Variants in LRFN5 observed in about 807,000 individuals in gnomAD.
LRFN5 encodes the protein leucine rich repeat and fibronectin type III domain containing 5, also known as leucine-rich repeat and fibronectin type-III domain-containing protein 5.
A neutral mutation model predicts 45.6 loss-of-function variants in LRFN5; 24 were observed. That is an observed-to-expected ratio of 0.53 (90% CI 0.38 to 0.74). The LOEUF is 0.74. Among genes scored for constraint, LRFN5 ranks in the 30% least tolerant of loss-of-function variants. The pLI, the probability that LRFN5 is intolerant of heterozygous loss-of-function variation, is 0.00. For synonymous variants in LRFN5, 340 were observed against 313.8 expected (o/e 1.08, Z -0.88); for missense variants, 776 against 861.5 (o/e 0.90, Z 1.24).
At chr14:41,613,736 CA>C (rs925290807) in intron 1 of LRFN5, among the ~76,000 whole-genome samples, 1 of 151,666 alleles carries the variant, frequency 6.6e-6, no homozygotes, top group African/African-American at 2.4e-5. Flanking sequence ...AGAAAAAAAA[CA>C]AAAAAACTAA....
chr14:41,843,163 G>T lies in LRFN5; in HGVS notation c.-20-43443G>T, dbSNP rs137862649. On this transcript the variant is annotated intron_variant, in intron 2 of 5. Transcript: ENST00000298119. ...TGTAGTGATAAAATGACAGCTCACT[G>T]CAACCTTGAATTACTGGGCTCAAGT... Among the ~76,000 whole-genome samples, 93 of 147,380 alleles carry T rather than the reference G, an allele frequency of 6.3e-4. 1 individual carries two copies. The highest frequency in any genetic ancestry group is 2.2e-3 in the African/African-American group (86 of 39,764).
chr14:41,701,042 G>A (rs1349248736), intron 1 of LRFN5: 2 of 152,102 alleles, frequency 1.3e-5, no homozygotes, highest in Non-Finnish European at 2.9e-5. Flanking sequence ...GCTCTGTAAG[G>A]ACAGGGGTTT....
chr14:41,623,292 C>T (rs1278775894), intron 1 of LRFN5, among the ~76,000 whole-genome samples: 1 of 152,120 alleles, frequency 6.6e-6, no homozygotes, highest in Admixed American at 6.6e-5. Flanking sequence ...CCCATACCTG[C>T]CACCTTGTGA....
At chr14:41,632,218 C>G (rs980949417) in intron 1 of LRFN5, among the ~76,000 whole-genome samples, 10 of 152,070 alleles carry the variant, frequency 6.6e-5, no homozygotes, top group Middle Eastern at 3.2e-3. Context: ...ACTATCATTC[C>G]TTTTTATTAT....
At chr14:41,840,400 A>T (rs4143896) in intron 2 of LRFN5, among the ~76,000 whole-genome samples, 75,468 of 151,846 alleles carry the variant, frequency 0.5, 19,727 homozygotes, top group African/African-American at 0.62. Flanking sequence ...TCAAAGCAGC[A>T]ATTCCTGAAG....
intron 1 of LRFN5, among the ~76,000 whole-genome samples, chr14:41,706,889 C>G (rs1246889754): frequency 1.3e-5 from 2 of 152,072 alleles, no homozygotes; most frequent in Non-Finnish European, 2.9e-5. Context: ...CTACTATAAC[C>G]TGGGTCCTGG....
chr14:41,873,763 A>G (rs1323592293), intron 2 of LRFN5, among the ~76,000 whole-genome samples: 1 of 152,196 alleles, frequency 6.6e-6, no homozygotes, highest in Non-Finnish European at 1.5e-5. Context: ...ATTCTGTCAT[A>G]GAGCATCTCC....
intron 2 of LRFN5, among the ~76,000 whole-genome samples, chr14:41,856,675 A>ATTATTATTATTATTATTAT: frequency 2.7e-4 from 5 of 18,336 alleles, no homozygotes; most frequent in African/African-American, 3.8e-4. Flanking sequence ...TATTATTATT[A>ATTATTATTATTATTATTAT]TTTTTTTTTT....
rs1273032576 is a variant in LRFN5 at position 41,819,945 on chromosome 14, T to G, written c.-21+52916T>G. ...ATGTTATTGAAAAATGTCCACTTTTTGATAGGGTTATTTGTTTTTTTTTTT... is the reference window on the plus strand; with the variant it reads ...ATGTTATTGAAAAATGTCCACTTTTGGATAGGGTTATTTGTTTTTTTTTTT... On this transcript the variant is annotated intron_variant, in intron 2 of 5. Transcript: ENST00000298119. Among the ~76,000 whole-genome samples, 4 of 130,216 alleles carry G rather than the reference T, an allele frequency of 3.1e-5. No homozygotes were observed. The East Asian group carries it at 9.0e-4, about 29-fold the overall frequency. 85.4% of individuals were successfully genotyped at this position (130,216 alleles called of 152,430 possible).
chr14:41,647,755 A>T (rs1241105496), intron 1 of LRFN5, among the ~76,000 whole-genome samples: 1 of 152,168 alleles, frequency 6.6e-6, no homozygotes, highest in Non-Finnish European at 1.5e-5. Context: ...CCAACTCTGG[A>T]CCAAGAAGAG....
chr14:41,899,263 G>A (rs1030802274), intron 5 of LRFN5, among the ~76,000 whole-genome samples: 1 of 152,088 alleles, frequency 6.6e-6, no homozygotes, highest in Non-Finnish European at 1.5e-5. Flanking sequence ...GATACAATGT[G>A]CATTTTTACA....
chr14:41,660,338 C>T (rs1263778259), intron 1 of LRFN5, among the ~76,000 whole-genome samples: 2 of 152,040 alleles, frequency 1.3e-5, no homozygotes, highest in African/African-American at 4.8e-5. Flanking sequence ...ATGACTAACT[C>T]TTATATCTTA....
intron 2 of LRFN5, among the ~76,000 whole-genome samples, chr14:41,867,287 A>G (rs1889872586): frequency 6.6e-6 from 1 of 152,112 alleles, no homozygotes; most frequent in South Asian, 2.1e-4. Context: ...TTTTAAAGGT[A>G]TTATAATACC....
intron 1 of LRFN5, among the ~76,000 whole-genome samples, chr14:41,647,548 AG>A (rs1258604779): frequency 2.6e-5 from 4 of 152,162 alleles, no homozygotes; most frequent in African/African-American, 9.7e-5. Flanking sequence ...TGGTAACTGA[AG>A]GGGGCAGAGA....
Position 41,643,711 on chromosome 14 carries a change from C to CCACA in LRFN5, c.-197+35167_-197+35170dup, listed in dbSNP as rs149767883. 4.1e-3 allele frequency among the ~76,000 whole-genome samples: 609 copies of CCACA among 149,536 alleles called. 3 individuals carry two copies. Among genetic ancestry groups the CCACA allele is most frequent in the African/African-American group, 0.012 (502 of 41,032 alleles). ...GAGTGCACACATAGACATAAACACA[C>CCACA]CACACACACACACACACACACTGAC... On this transcript the variant is annotated intron_variant, in intron 1 of 5. Coordinates refer to ENST00000298119, the MANE Select transcript of LRFN5 (RefSeq NM_152447.5).
intron 2 of LRFN5, among the ~76,000 whole-genome samples, chr14:41,775,316 C>T (rs1886248658): frequency 6.6e-6 from 1 of 151,834 alleles, no homozygotes; most frequent in Non-Finnish European, 1.5e-5. Flanking sequence ...GGTCTCGACT[C>T]CTGACCTCGT....
intron 2 of LRFN5, among the ~76,000 whole-genome samples, chr14:41,821,631 A>G (rs973601126): frequency 3.0e-4 from 46 of 151,856 alleles, no homozygotes; most frequent in Non-Finnish European, 8.8e-5. Flanking sequence ...TATCAAGATG[A>G]TATGAGCTTT....
At chr14:41,776,852 T>G (rs1410447324) in intron 2 of LRFN5, among the ~76,000 whole-genome samples, 2 of 152,094 alleles carry the variant, frequency 1.3e-5, no homozygotes, top group Non-Finnish European at 2.9e-5. Flanking sequence ...TATTTTCACA[T>G]TTTTTGTGTA....
intron 1 of LRFN5, among the ~76,000 whole-genome samples, chr14:41,628,608 TAAATA>T (rs1391461506): frequency 2.0e-5 from 3 of 151,788 alleles, no homozygotes; most frequent in Non-Finnish European, 4.4e-5. Context: ...TGTCTATAAA[TAAATA>T]AATAAATAAA....
Sources: allele counts gnomAD v4.1 joint callset (sites outside exome capture counted in the v4.1 genomes callset), GRCh38; gene constraint gnomAD v4.1.1; transcripts MANE v1.5; gene names NCBI Gene and HGNC (gene_info 2026-07-23, HGNC 2026-07-21).